Variants in SMU1 observed in about 807,000 individuals in gnomAD.
SMU1 encodes WD40 repeat-containing protein SMU1.
A neutral mutation model predicts 62.0 loss-of-function variants in SMU1; 2 were observed. The observed-to-expected ratio is 0.03, with a 90% CI of 0.01 to 0.10. The LOEUF (loss-of-function observed/expected upper bound fraction) is 0.10, where lower values mean the gene tolerates loss of function less well. SMU1 is among the 10% of genes least tolerant of loss of function. The probability of loss-of-function intolerance (pLI) is 1.00; values close to 1 mark genes in which losing one functional copy is unlikely to be tolerated. For synonymous variants in SMU1, 188 were observed against 212.4 expected (o/e 0.89, Z 1.00); for missense variants, 227 against 622.1 (o/e 0.36, Z 6.76).
rs1839185111 is a variant in SMU1, at chr9:33,046,422, C to G, written c.*871G>C. Reference sequence around the variant, plus strand: ...TCACCTGGCCTTTTTACATGTTAGTCTATCCTACTATCCCAGGAATTCACT... The same window carrying G: ...TCACCTGGCCTTTTTACATGTTAGTGTATCCTACTATCCCAGGAATTCACT... On this transcript the variant is annotated 3_prime_UTR_variant, in exon 12 of 12. Transcript: ENST00000397149. The G allele has an allele frequency of 6.6e-6, 1 of 152,088 alleles. No individual in the cohort carries two copies. 9.4% of individuals were successfully genotyped at this position (152,088 alleles called of 1,614,324 possible).
chr9:33,042,814 C>T lies in SMU1; in HGVS notation c.*4479G>A, dbSNP rs1219952964. 6.6e-6 allele frequency: 1 copy of T among 152,302 alleles called. No homozygotes were observed. Among genetic ancestry groups the T allele is most frequent in the East Asian group, 1.9e-4 (1 of 5,196 alleles). The allele number at this position is 152,302 out of a possible 1,614,324, so 9.4% of individuals were successfully genotyped here. The stretch of plus-strand genomic sequence containing the variant: ...CGTGGAAGGTTAAATAATGGGCAGC[C>T]CTTGCTATTCCAAGTTTGGTTTTTT... On this transcript the variant is annotated 3_prime_UTR_variant, in exon 12 of 12. Coordinates refer to ENST00000397149, the MANE Select transcript of SMU1 (RefSeq NM_018225.3).
At chr9:33,076,038 T>G (rs541634961) in intron 1 of SMU1, among the ~76,000 whole-genome samples, 1 of 152,236 alleles carries the variant, frequency 6.6e-6, no homozygotes, top group Admixed American at 6.5e-5. Flanking sequence ...AATTAACTCT[T>G]CCTCTAAGGT....
chr9:33,065,571 A>T (rs527774553), intron 4 of SMU1, among the ~76,000 whole-genome samples: 2 of 152,308 alleles, frequency 1.3e-5, no homozygotes, highest in African/African-American at 4.8e-5. Flanking sequence ...GAAAACCGAA[A>T]CCTAATTGTA....
At chr9:33,071,232 C>T (rs113935030) in intron 3 of SMU1, among the ~76,000 whole-genome samples, 6 of 152,086 alleles carry the variant, frequency 3.9e-5, no homozygotes, top group Admixed American at 1.3e-4. Flanking sequence ...AGAATGAAAC[C>T]ATACAGATAA....
chr9:33,052,757 T>C (rs2119425593), intron 10 of SMU1, among the ~76,000 whole-genome samples: 1 of 152,356 alleles, frequency 6.6e-6, no homozygotes, highest in African/African-American at 2.4e-5. Context: ...CTTTAGATCG[T>C]GGTAGCTGGG....
At chr9:33,069,553 C>G (rs1839463193) in intron 3 of SMU1, among the ~76,000 whole-genome samples, 1 of 152,194 alleles carries the variant, frequency 6.6e-6, no homozygotes, top group South Asian at 2.1e-4. Flanking sequence ...GTAATCCCAA[C>G]ATTTTCGGGG....
intron 6 of SMU1, among the ~76,000 whole-genome samples, chr9:33,058,735 A>C (rs1378923062): frequency 6.6e-6 from 1 of 152,258 alleles, no homozygotes; most frequent in Non-Finnish European, 1.5e-5. Context: ...TCAAAAATTA[A>C]ACATAAAATA....
chr9:33,058,303 C>T lies in SMU1; in HGVS notation c.751-589G>A, dbSNP rs142042938. 1.2e-3 allele frequency among the ~76,000 whole-genome samples: 177 copies of T among 152,210 alleles called. 1 individual carries two copies. The highest frequency in any genetic ancestry group is 4.2e-3 in the African/African-American group (174 of 41,532). On this transcript the variant is annotated intron_variant, in intron 6 of 11. Transcript: ENST00000397149. ...CCATAGAATGGAATTTGGTACTCTA[C>T]GATAAAAATTACATTTTATTTATTT...
At chr9:33,056,351 G>T in intron 8 of SMU1, 112 bp from the exon 9 acceptor site, 1 of 1,081,454 alleles carries the variant, frequency 9.2e-7, no homozygotes, top group Non-Finnish European at 1.3e-6. Flanking sequence ...ATAATATTAA[G>T]TGAAGAGGGC....
At chr9:33,068,046 C>G (rs1839442242) in intron 4 of SMU1, among the ~76,000 whole-genome samples, 1 of 152,084 alleles carries the variant, frequency 6.6e-6, no homozygotes, top group Non-Finnish European at 1.5e-5. Flanking sequence ...TTACAAGGTG[C>G]CAGGAAATGT....
intron 8 of SMU1, 143 bp downstream of exon 8, chr9:33,056,694 T>C (rs1839307736): frequency 1.1e-6 from 1 of 869,892 alleles, no homozygotes; most frequent in Non-Finnish European, 1.8e-6. Context: ...TTTGGGGACA[T>C]AAGGTCTCAC....
Position 33,057,673 on chromosome 9 carries a change from A to G in SMU1, c.792T>C (p.Asp264=). The G allele has an allele frequency of 1.9e-6, 3 of 1,613,952 alleles. No homozygotes were observed. Among genetic ancestry groups the G allele is most frequent in the Non-Finnish European group, 2.5e-6 (3 of 1,179,956 alleles). The change falls in exon 7 of 12, where the codon GAT becomes GAC. Residue 264 remains aspartate (D), a synonymous_variant. Transcript: ENST00000397149. Reference sequence around the variant, plus strand: ...TGAAACACATGCAGAGGACAGCATCATCCATCATCATAAAGTTATCTTGGG... The same window carrying G: ...TGAAACACATGCAGAGGACAGCATCGTCCATCATCATAAAGTTATCTTGGG... ...YQAQDNFMMM[D]DAVLCMCFSR...
intron 9 of SMU1, among the ~76,000 whole-genome samples, chr9:33,054,943 C>A (rs1360888038): frequency 6.6e-6 from 1 of 152,106 alleles, no homozygotes; most frequent in Non-Finnish European, 1.5e-5. Context: ...GGGGGAAAGA[C>A]CACAAAATAA....
At chr9:33,054,715 A>G (rs1214213086) in intron 9 of SMU1, among the ~76,000 whole-genome samples, 2 of 152,216 alleles carry the variant, frequency 1.3e-5, no homozygotes. Context: ...TGTGCCTTCC[A>G]TGGAGCTTAG....
chr9:33,052,467 T>A (rs999712951), intron 10 of SMU1, among the ~76,000 whole-genome samples: 1 of 152,228 alleles, frequency 6.6e-6, no homozygotes, highest in Non-Finnish European at 1.5e-5. Context: ...GATTCTCAAC[T>A]ACTACTCCAT....
intron 4 of SMU1, among the ~76,000 whole-genome samples, chr9:33,066,188 C>T (rs1839417246): frequency 6.6e-6 from 1 of 151,832 alleles, no homozygotes; most frequent in African/African-American, 2.4e-5. Flanking sequence ...GGAAAACTCC[C>T]ACATATGGTC....
At position 33,056,131 on chromosome 9, in the gene SMU1, G is replaced by A. The variant is rs770856890; in HGVS notation, c.1104C>T (p.Ser368=). Residue 368 remains serine (S), a synonymous_variant, in exon 9 of 12, where the codon TCC becomes TCT. Coordinates refer to ENST00000397149, the MANE Select transcript of SMU1 (RefSeq NM_018225.3). The part of the protein sequence containing the change: ...TQDGHYIISA[S]SDGTVKIWNM... ...ACTTAACCTTTACAGTGCCATCAGA[G>A]GATGCACTAATAATGTAATGTCCAT... is the stretch of plus-strand genomic sequence containing the variant. 24 of 1,610,936 alleles carry A rather than the reference G, an allele frequency of 1.5e-5. No homozygotes were observed. The East Asian group carries it at 5.1e-4, about 34-fold the overall frequency.
intron 4 of SMU1, among the ~76,000 whole-genome samples, chr9:33,066,199 A>C (rs1157340613): frequency 6.6e-6 from 1 of 152,208 alleles, no homozygotes; most frequent in East Asian, 1.9e-4. Flanking sequence ...ACATATGGTC[A>C]GCAAAACAAA....
Position 33,047,173 on chromosome 9 carries a change from G to A in SMU1, c.*120C>T, listed in dbSNP as rs1197373488. The A allele has an allele frequency of 1.6e-6, 1 of 606,708 alleles. No individual in the cohort carries two copies. Among genetic ancestry groups the A allele is most frequent in the Non-Finnish European group, 2.9e-6 (1 of 350,062 alleles). 37.6% of individuals were successfully genotyped at this position (606,708 alleles called of 1,614,324 possible). The stretch of plus-strand genomic sequence containing the variant: ...ACATGAATTTTCACAAAATTATTCT[G>A]TGACTAATTCAGACAATCTATTTGC... On this transcript the variant is annotated 3_prime_UTR_variant, in exon 12 of 12. Transcript: ENST00000397149.
Sources: gnomAD v4.1 joint callset for allele counts (sites outside exome capture counted in the v4.1 genomes callset) on GRCh38, gnomAD v4.1.1 for gene constraint, MANE v1.5 for transcripts, NCBI Gene and HGNC (gene_info 2026-07-23, HGNC 2026-07-21) for gene names.